The following ZNF729 variants were observed in gnomAD, a reference collection of about 807,000 sequenced individuals.
The protein encoded by ZNF729 is zinc finger protein 729.
ZNF729 carries 15 observed loss-of-function variants against 12.2 expected under a neutral mutation model. The ratio of observed to expected loss-of-function variants is 1.23; its 90% confidence interval spans 0.82 to 1.89. The LOEUF (loss-of-function observed/expected upper bound fraction) is 1.89. Among genes scored for constraint, ZNF729 ranks in the 40% most tolerant of loss-of-function variants. The pLI is 0.00. For missense variants in ZNF729, 1,540 were observed against 1,456.7 expected (o/e 1.06, Z -0.93); for synonymous variants, 492 against 476.3 (o/e 1.03, Z -0.43).
At chr19:22,306,161 C>T (rs1400785149) in intron 3 of ZNF729, among the ~76,000 whole-genome samples, 3 of 152,004 alleles carry the variant, frequency 2.0e-5, no homozygotes, top group Non-Finnish European at 1.5e-5. Context: ...AAGTTTTGCA[C>T]TGGGCACAGT....
At position 22,316,046 on chromosome 19, in the gene ZNF729, G is replaced by A. The variant is rs765628718; in HGVS notation, c.2629G>A (p.Glu877Lys). ...AAAACATGAGATAATTCATAGTGGA[G>A]AGAAACCATACAAATGTGAAGAATG... ...LRKHEIIHSGEKPYKCEECGK... is the reference protein window; with the variant it reads ...LRKHEIIHSGKKPYKCEECGK... Residue 877 changes from glutamate to lysine, a missense_variant, in exon 4 of 4, where the codon GAG becomes AAG. Coordinates refer to ENST00000601693, the MANE Select transcript of ZNF729 (RefSeq NM_001242680.2). 1 of 1,609,412 alleles carries A rather than the reference G, an allele frequency of 6.2e-7. No individual in the cohort carries two copies. Among genetic ancestry groups the A allele is most frequent in the South Asian group, 1.1e-5 (1 of 90,988 alleles).
chr19:22,313,701 G>A lies in ZNF729; in HGVS notation c.284G>A (p.Trp95Ter). 6.5e-7 allele frequency: 1 copy of A among 1,533,274 alleles called. No homozygotes were observed. Among genetic ancestry groups the A allele is most frequent in the African/African-American group, 1.4e-5 (1 of 72,160 alleles). The allele number at this position is 1,533,274 out of a possible 1,614,324, so 95.0% of individuals were successfully genotyped here. Residue 95 changes from tryptophan to a stop codon, truncating the protein, a stop_gained, in exon 4 of 4, where the codon TGG becomes TAG. Coordinates refer to ENST00000601693, the MANE Select transcript of ZNF729 (RefSeq NM_001242680.2). LOFTEE classifies it low-confidence loss of function (END_TRUNC). ...CGTTCTCATTTTACACAAGACCTTT[G>A]GCCAGATCAGAGCACAAAAGATTCT... is the stretch of plus-strand genomic sequence containing the variant. Reference protein sequence around the residue: ...VMRSHFTQDLWPDQSTKDSFQ... With the variant: ...VMRSHFTQDL
chr19:22,291,967 C>T (rs546579911), intron 1 of ZNF729, among the ~76,000 whole-genome samples: 4 of 152,224 alleles, frequency 2.6e-5, no homozygotes, highest in East Asian at 3.9e-4. Flanking sequence ...CTCCTGATCT[C>T]GTGATCCGCC....
intron 3 of ZNF729, among the ~76,000 whole-genome samples, chr19:22,312,735 CAG>C (rs1247548168): frequency 1.3e-5 from 2 of 152,054 alleles, no homozygotes; most frequent in Non-Finnish European, 2.9e-5. Flanking sequence ...TTTTTTGAGA[CAG>C]AGTTTCACTC....
At position 22,316,607 on chromosome 19, in the gene ZNF729, A is replaced by G. The variant is rs559599434; in HGVS notation, c.3190A>G (p.Thr1064Ala). The G allele has an allele frequency of 2.0e-5, 32 of 1,613,222 alleles. No homozygotes were observed. The highest frequency in any genetic ancestry group is 1.2e-4 in the Admixed American group (7 of 60,002). ...AGCTTTTAAGTGGTCCTCAAAACTT[A>G]CTGAACATAAGGTAATTCATACTGG... Reference protein sequence around the residue: ...GKAFKWSSKLTEHKVIHTGEK... With the variant: ...GKAFKWSSKLAEHKVIHTGEK... Residue 1064 changes from threonine (T) to alanine (A), a missense_variant, in exon 4 of 4, where the codon ACT becomes GCT. Thr to Ala is a moderately conservative substitution (Grantham distance 58). Transcript: ENST00000601693.
intron 3 of ZNF729, among the ~76,000 whole-genome samples, chr19:22,307,668 G>T (rs1325088504): frequency 6.7e-6 from 1 of 149,728 alleles, no homozygotes; most frequent in Admixed American, 6.6e-5. Flanking sequence ...GCTTGAACCT[G>T]GGAGGTGGAG....
In ZNF729 at chr19:22,315,318, G is replaced by A; in HGVS notation, c.1901G>A (p.Gly634Asp). ...AAACCGTACAAATGTGAAGAATGTG[G>A]CAAAGCTTTTAGGCAATCCTCACAC... ...GKKPYKCEEC[G>D]KAFRQSSHLT... The change falls in exon 4 of 4, where the codon GGC (glycine) becomes GAC (aspartate). Residue 634 changes from glycine (G) to aspartate (D), a missense_variant. Gly to Asp is a moderately conservative substitution (Grantham distance 94). Transcript: ENST00000601693. The A allele has an allele frequency of 1.2e-6, 2 of 1,613,282 alleles. No individual in the cohort carries two copies. Among genetic ancestry groups the A allele is most frequent in the Middle Eastern group, 1.7e-4 (1 of 6,052 alleles).
Position 22,315,897 on chromosome 19 carries a change from A to G in ZNF729, c.2480A>G (p.Glu827Gly). 6.2e-7 allele frequency: 1 copy of G among 1,611,234 alleles called. No homozygotes were observed. The change falls in exon 4 of 4, where the codon GAA becomes GGA. Residue 827 changes from glutamate to glycine, a missense_variant. Coordinates refer to ENST00000601693, the MANE Select transcript of ZNF729 (RefSeq NM_001242680.2). ...IHTGEKPCKC[E>G]ECGKAFKHFS... ...ACTGGAGAGAAACCCTGCAAATGTG[A>G]AGAATGTGGCAAAGCTTTTAAGCAT...
At chr19:22,291,859 G>A (rs1216641205) in intron 1 of ZNF729, among the ~76,000 whole-genome samples, 1 of 152,152 alleles carries the variant, frequency 6.6e-6, no homozygotes, top group Non-Finnish European at 1.5e-5. Context: ...TCAGCCTCCT[G>A]AGAAGCTGGG....
chr19:22,307,798 GTGTTT>G (rs869230715), intron 3 of ZNF729, among the ~76,000 whole-genome samples: 1 of 76,918 alleles, frequency 1.3e-5, no homozygotes, highest in African/African-American at 6.2e-5. Flanking sequence ...GGAAAGCTCT[GTGTTT>G]TTTTTTTTTT....
rs536246557 is a variant in ZNF729 at position 22,316,400 on chromosome 19, G to A, written c.2983G>A (p.Glu995Lys). 23 of 1,613,644 alleles carry A rather than the reference G, an allele frequency of 1.4e-5. No individual in the cohort carries two copies. Among genetic ancestry groups the A allele is most frequent in the South Asian group, 7.7e-5 (7 of 91,050 alleles). ...TACTGGGGAGAAACCCTACAAATGC[G>A]AAGAATGTGGCAAAGATTTTAACAA... is the stretch of plus-strand genomic sequence containing the variant. ...IHTGEKPYKC[E>K]ECGKDFNNSS... is the part of the protein sequence containing the mutation. The change falls in exon 4 of 4, where the codon GAA (glutamate) becomes AAA (lysine). Residue 995 changes from glutamate to lysine, a missense_variant. Physicochemically the swap from Glu to Lys is moderately conservative, Grantham distance 56. Coordinates refer to ENST00000601693, the MANE Select transcript of ZNF729 (RefSeq NM_001242680.2).
intron 1 of ZNF729, among the ~76,000 whole-genome samples, chr19:22,297,955 A>T (rs1968251503): frequency 6.8e-6 from 1 of 146,444 alleles, no homozygotes. Context: ...CAGTGAGCCG[A>T]GATCACCCCA....
In ZNF729 at chr19:22,304,855, A is replaced by G. The variant is rs781645020; in HGVS notation, c.253+72A>G. On this transcript the variant is annotated intron_variant, in intron 3 of 3. Transcript: ENST00000601693. ...GGTCAAGGAGAAAGCCAGTTCTCAA[A>G]ATGTGACCTGAGAAGCTGTGCTCCA... 699 of 1,464,604 alleles carry G rather than the reference A, an allele frequency of 4.8e-4. 1 individual carries two copies. Among genetic ancestry groups the G allele is most frequent in the Non-Finnish European group, 6.1e-4 (662 of 1,081,712 alleles). The allele number at this position is 1,464,604 out of a possible 1,614,324, so 90.7% of individuals were successfully genotyped here.
intron 1 of ZNF729, among the ~76,000 whole-genome samples, chr19:22,291,064 G>A (rs1234386824): frequency 6.6e-6 from 1 of 152,144 alleles, no homozygotes; most frequent in African/African-American, 2.4e-5. Flanking sequence ...ACTGAGCCCT[G>A]AATCAGGGTC....
At position 22,313,683 on chromosome 19, in the gene ZNF729, A is replaced by ATT. The variant is rs1968478780; in HGVS notation, c.269_270dup (p.Thr91LeufsTer18). The ATT allele has an allele frequency of 6.7e-7, 1 of 1,491,846 alleles. No individual in the cohort carries two copies. Among genetic ancestry groups the ATT allele is most frequent in the East Asian group, 2.3e-5 (1 of 42,878 alleles). 92.4% of individuals were successfully genotyped at this position (1,491,846 alleles called of 1,614,324 possible). A position where few individuals can be genotyped will look rare whatever the true frequency, so the allele number is the denominator to read the frequency against. ...TTATTTCTTCTAGTTATGCGTTCTC[A>ATT]TTTTACACAAGACCTTTGGCCAGAT... is the stretch of plus-strand genomic sequence containing the variant. On this transcript the variant is annotated frameshift_variant, in exon 4 of 4. Transcript: ENST00000601693. LOFTEE classifies it low-confidence loss of function (END_TRUNC).
chr19:22,304,851 TC>T, intron 3 of ZNF729, 68 bp downstream of exon 3: 1 of 1,479,686 alleles, frequency 6.8e-7, no homozygotes, highest in South Asian at 1.3e-5. Context: ...AAGCCAGTTC[TC>T]AAAATGTGAC....
Position 22,316,078 on chromosome 19 carries a change from A to C in ZNF729, c.2661A>C (p.Lys887Asn). The change falls in exon 4 of 4, where the codon AAA becomes AAC. Residue 887 changes from lysine to asparagine, a missense_variant. By Grantham distance (94) the Lys-to-Asn change is moderately conservative. Coordinates refer to ENST00000601693, the MANE Select transcript of ZNF729 (RefSeq NM_001242680.2). ...CATACAAATGTGAAGAATGTGGTAA[A>C]GCTTTTAAGTGGTTGTCAAAACTTA... ...EKPYKCEECG[K>N]AFKWLSKLTV... The C allele has an allele frequency of 1.2e-6, 2 of 1,610,590 alleles. No individual in the cohort carries two copies. Among genetic ancestry groups the C allele is most frequent in the East Asian group, 4.5e-5 (2 of 44,808 alleles).
Position 22,315,269 on chromosome 19 carries a change from CATAAG to C in ZNF729, c.1857_1861del (p.Lys619AsnfsTer11). 6.2e-7 allele frequency: 1 copy of C among 1,612,862 alleles called. No homozygotes were observed. The highest frequency in any genetic ancestry group is 1.3e-5 in the African/African-American group (1 of 74,944). On this transcript the variant is annotated frameshift_variant, in exon 4 of 4. Coordinates refer to ENST00000601693, the MANE Select transcript of ZNF729 (RefSeq NM_001242680.2). LOFTEE classifies it low-confidence loss of function (END_TRUNC). ...TAACAATTCCTCAATCCTTGCTAAACATAAGATAATTCATACTGGGAAGAAACCGT... is the reference window on the plus strand; with the variant it reads ...TAACAATTCCTCAATCCTTGCTAAACATAATTCATACTGGGAAGAAACCGT...
chr19:22,314,488 T>C lies in ZNF729; in HGVS notation c.1071T>C (p.Phe357=), dbSNP rs1301876378. The change falls in exon 4 of 4, where the codon TTT becomes TTC. Residue 357 remains phenylalanine, a synonymous_variant. Coordinates refer to ENST00000601693, the MANE Select transcript of ZNF729 (RefSeq NM_001242680.2). The part of the protein sequence containing the change: ...PYKREECGKA[F]SQSSTLRKHE... Reference sequence around the variant, plus strand: ...AGCGTGAAGAATGTGGCAAAGCTTTTAGCCAGTCCTCAACCCTTAGAAAAC... The same window carrying C: ...AGCGTGAAGAATGTGGCAAAGCTTTCAGCCAGTCCTCAACCCTTAGAAAAC... The C allele has an allele frequency of 3.7e-6, 6 of 1,608,824 alleles. 1 individual carries two copies. In the South Asian group the frequency reaches 6.6e-5, roughly 18 times the overall value.
Sources: allele counts gnomAD v4.1 joint callset (sites outside exome capture counted in the v4.1 genomes callset), GRCh38; gene constraint gnomAD v4.1.1; transcripts MANE v1.5; gene names NCBI Gene and HGNC (gene_info 2026-07-23, HGNC 2026-07-21).